MAD1L1: variants seen among roughly 807,000 people sequenced by gnomAD.
MAD1L1 encodes the protein mitotic spindle assembly checkpoint protein MAD1.
In MAD1L1, 95 loss-of-function variants were observed where a neutral mutation model predicts 96.9. The ratio of observed to expected loss-of-function variants is 0.98; its 90% CI spans 0.83 to 1.16. The LOEUF is 1.16. MAD1L1 is among the 50% of genes most tolerant of loss of function. MAD1L1 has a pLI of 0.00. For synonymous variants in MAD1L1, 473 were observed against 396.6 expected (o/e 1.19, Z -2.29); for missense variants, 1,007 against 954.4 (o/e 1.06, Z -0.73).
At chr7:2,193,166 C>G (rs954939486) in intron 10 of MAD1L1, 5 of 152,426 alleles carry the variant, frequency 3.3e-5, no homozygotes, top group South Asian at 2.1e-4. Context: ...TCAGTCAGAA[C>G]AGGGACTCAC....
chr7:2,165,851 C>T (rs1037669202), intron 10 of MAD1L1, among the ~76,000 whole-genome samples: 4 of 152,124 alleles, frequency 2.6e-5, no homozygotes, highest in Non-Finnish European at 5.9e-5. Flanking sequence ...GGATGGCCAC[C>T]CCATGCTGCC....
intron 11 of MAD1L1, among the ~76,000 whole-genome samples, chr7:2,094,800 C>T (rs949318135): frequency 1.1e-4 from 17 of 152,060 alleles, no homozygotes; most frequent in African/African-American, 3.9e-4. Flanking sequence ...TACATAGAGA[C>T]CAAACACGGC....
chr7:2,078,003 A>G (rs568379235), intron 11 of MAD1L1, among the ~76,000 whole-genome samples: 1 of 152,316 alleles, frequency 6.6e-6, no homozygotes, highest in African/African-American at 2.4e-5. Context: ...GGGCAGAAGC[A>G]ACACTGAGCA....
intron 10 of MAD1L1, among the ~76,000 whole-genome samples, chr7:2,169,660 G>A (rs1216117745): frequency 6.6e-6 from 1 of 152,222 alleles, no homozygotes; most frequent in Non-Finnish European, 1.5e-5. Context: ...AGCGGGTCAA[G>A]GTGCCAGGAC....
intron 11 of MAD1L1, among the ~76,000 whole-genome samples, chr7:2,145,794 C>T (rs148095193): frequency 1.2e-4 from 18 of 152,330 alleles, no homozygotes; most frequent in African/African-American, 4.3e-4. Flanking sequence ...TGGAATGCTA[C>T]TGCAGTAACT....
At chr7:2,022,557 GA>G (rs60897368) in intron 12 of MAD1L1, among the ~76,000 whole-genome samples, 2 of 148,932 alleles carry the variant, frequency 1.3e-5, no homozygotes, top group Non-Finnish European at 3.0e-5. Context: ...GTCTCCAAAA[GA>G]AAAAAAAAAT....
At chr7:1,898,115 C>T (rs751456224) in intron 18 of MAD1L1, 85 bp downstream of exon 18, 6 of 1,415,458 alleles carry the variant, frequency 4.2e-6, no homozygotes, top group Non-Finnish European at 5.8e-6. Context: ...CGAGGCTGCT[C>T]CTTTGCTGAG....
intron 14 of MAD1L1, among the ~76,000 whole-genome samples, chr7:1,993,286 G>A (rs1017342607): frequency 6.6e-6 from 1 of 152,228 alleles, no homozygotes; most frequent in African/African-American, 2.4e-5. Context: ...AGGACCCACA[G>A]TGCAGGGAGG....
intron 18 of MAD1L1, among the ~76,000 whole-genome samples, chr7:1,827,464 G>A (rs1413921349): frequency 5.5e-5 from 5 of 91,262 alleles, no homozygotes; most frequent in Non-Finnish European, 1.3e-4. Context: ...TCCTGAGCCC[G>A]TCGCGGGTGT....
intron 11 of MAD1L1, among the ~76,000 whole-genome samples, chr7:2,082,772 G>A (rs1389782118): frequency 1.3e-5 from 2 of 152,250 alleles, no homozygotes; most frequent in Admixed American, 6.5e-5. Flanking sequence ...TAGTGCCCAT[G>A]ACAATTGATG....
At chr7:2,127,069 A>C (rs1788266776) in intron 11 of MAD1L1, among the ~76,000 whole-genome samples, 1 of 152,154 alleles carries the variant, frequency 6.6e-6, no homozygotes, top group Non-Finnish European at 1.5e-5. Context: ...TGGGATGAAG[A>C]CATCTGAACA....
intron 12 of MAD1L1, among the ~76,000 whole-genome samples, chr7:2,029,590 G>A (rs760070180): frequency 4.0e-5 from 6 of 151,812 alleles, no homozygotes; most frequent in African/African-American, 7.2e-5. Context: ...TTTTTTAAAC[G>A]GAACTCCATA....
intron 12 of MAD1L1, among the ~76,000 whole-genome samples, chr7:2,043,033 A>G (rs1783760194): frequency 6.6e-6 from 1 of 152,170 alleles, no homozygotes; most frequent in South Asian, 2.1e-4. Flanking sequence ...ACAGCCCTGC[A>G]CTTAGAAACT....
intron 11 of MAD1L1, among the ~76,000 whole-genome samples, chr7:2,120,319 C>T (rs907842780): frequency 6.6e-6 from 1 of 152,220 alleles, no homozygotes; most frequent in Non-Finnish European, 1.5e-5. Context: ...GCTCAACACC[C>T]GCCACCACTT....
At chr7:2,059,171 G>A (rs1214824169) in intron 12 of MAD1L1, among the ~76,000 whole-genome samples, 4 of 135,404 alleles carry the variant, frequency 3.0e-5, no homozygotes, top group Non-Finnish European at 4.8e-5. Flanking sequence ...GAAGAGAGGC[G>A]TGGGGCTGGA....
At chr7:2,017,857 C>T (rs1282160957) in intron 12 of MAD1L1, among the ~76,000 whole-genome samples, 2 of 152,132 alleles carry the variant, frequency 1.3e-5, no homozygotes, top group South Asian at 4.1e-4. Context: ...GGGGCTGAGA[C>T]AGTGGGCAGA....
At chr7:2,221,083 C>T in intron 5 of MAD1L1, 4 of 1,547,418 alleles carry the variant, frequency 2.6e-6, no homozygotes, top group Non-Finnish European at 3.5e-6. Flanking sequence ...GAGGAGCGGC[C>T]ACCTCGGCTT....
chr7:2,185,405 C>T (rs1456837263), intron 10 of MAD1L1, among the ~76,000 whole-genome samples: 1 of 152,198 alleles, frequency 6.6e-6, no homozygotes, highest in East Asian at 1.9e-4. Context: ...AAACTTTCTG[C>T]AGCCTGACGG....
chr7:1,995,536 G>T (rs1781516518), intron 14 of MAD1L1, among the ~76,000 whole-genome samples: 1 of 152,164 alleles, frequency 6.6e-6, no homozygotes, highest in Non-Finnish European at 1.5e-5. Flanking sequence ...TGGAAGGGCG[G>T]GCGCAGGAGC....
Sources: gnomAD v4.1 joint callset for allele counts (sites outside exome capture counted in the v4.1 genomes callset) on GRCh38, gnomAD v4.1.1 for gene constraint, MANE v1.5 for transcripts, NCBI Gene and HGNC (gene_info 2026-07-23, HGNC 2026-07-21) for gene names.